The following PDE4D variants were observed in gnomAD, a reference collection of about 807,000 sequenced individuals.
PDE4D encodes the protein phosphodiesterase 4D.
In PDE4D, 24 loss-of-function variants were observed where a neutral mutation model predicts 87.4. The observed-to-expected ratio is 0.27, with a 90% CI of 0.20 to 0.39. The LOEUF (loss-of-function observed/expected upper bound fraction) is 0.39. Among genes scored for constraint, PDE4D ranks in the 10% least tolerant of loss-of-function variants. The pLI, the probability that PDE4D is intolerant of heterozygous loss-of-function variation, is 1.00. For synonymous variants in PDE4D, 384 were observed against 383.2 expected, an observed-to-expected ratio of 1.00 and a Z score of -0.02; for missense variants, 714 against 1,041.0, an observed-to-expected ratio of 0.69 and a Z score of 4.32.
At chr5:59,552,567 G>A (rs1818296439) in intron 1 of PDE4D, among the ~76,000 whole-genome samples, 1 of 152,024 alleles carries the variant, frequency 6.6e-6, no homozygotes, top group Admixed American at 6.6e-5. Flanking sequence ...TTAAAAATTG[G>A]TTTCACCATT....
intron 1 of PDE4D, among the ~76,000 whole-genome samples, chr5:59,496,860 C>T (rs1010974292): frequency 6.6e-6 from 1 of 152,102 alleles, no homozygotes; most frequent in Non-Finnish European, 1.5e-5. Context: ...TGGGGCTTCT[C>T]CAGCAATTCC....
intron 1 of PDE4D, among the ~76,000 whole-genome samples, chr5:60,264,329 A>G (rs564660349): frequency 6.6e-6 from 1 of 152,346 alleles, no homozygotes; most frequent in East Asian, 1.9e-4. Flanking sequence ...AAGATGGCTG[A>G]GAAAAAAATG....
At chr5:60,187,964 A>G (rs1464645550) in intron 1 of PDE4D, among the ~76,000 whole-genome samples, 6 of 152,190 alleles carry the variant, frequency 3.9e-5, no homozygotes, top group African/African-American at 1.4e-4. Context: ...ATTGTCTAGG[A>G]GAATGTTTGG....
chr5:59,427,025 A>G (rs1232300044), intron 1 of PDE4D, among the ~76,000 whole-genome samples: 1 of 149,218 alleles, frequency 6.7e-6, no homozygotes, highest in East Asian at 2.0e-4. Flanking sequence ...ACACACACAC[A>G]CACACACACA....
intron 5 of PDE4D, among the ~76,000 whole-genome samples, chr5:59,071,603 A>G (rs190857504): frequency 1.4e-5 from 2 of 147,624 alleles, no homozygotes; most frequent in East Asian, 4.3e-4. Flanking sequence ...AATATTTATG[A>G]ATACAATATC....
At chr5:59,760,393 C>T (rs1390195355) in intron 1 of PDE4D, among the ~76,000 whole-genome samples, 5 of 152,130 alleles carry the variant, frequency 3.3e-5, no homozygotes, top group Admixed American at 2.6e-4. Flanking sequence ...ACTTCTTCTA[C>T]TGTTGGATAT....
intron 2 of PDE4D, among the ~76,000 whole-genome samples, chr5:59,991,979 T>C (rs912277435): frequency 2.6e-5 from 4 of 152,132 alleles, no homozygotes; most frequent in Admixed American, 1.3e-4. Flanking sequence ...CCACCCTCCA[T>C]GTGGGTAGGC....
intron 1 of PDE4D, among the ~76,000 whole-genome samples, chr5:59,687,950 CAAAGATCA>C (rs1216902234): frequency 1.3e-5 from 2 of 152,052 alleles, no homozygotes; most frequent in African/African-American, 4.8e-5. Context: ...TTTAAACCAA[CAAAGATCA>C]AAAGAGACAA....
intron 1 of PDE4D, among the ~76,000 whole-genome samples, chr5:60,327,235 C>G (rs1211541797): frequency 6.6e-6 from 1 of 152,182 alleles, no homozygotes; most frequent in South Asian, 2.1e-4. Context: ...TGCTGTTATA[C>G]TTGGTTGAAC....
intron 6 of PDE4D, among the ~76,000 whole-genome samples, chr5:59,031,095 A>T (rs1757307166): frequency 6.6e-6 from 1 of 152,040 alleles, no homozygotes; most frequent in African/African-American, 2.4e-5. Flanking sequence ...GTTGGCAAGG[A>T]TGTGGAGAAA....
chr5:59,968,117 T>G (rs969874859), intron 3 of PDE4D, among the ~76,000 whole-genome samples: 1 of 151,010 alleles, frequency 6.6e-6, no homozygotes, highest in Admixed American at 6.6e-5. Context: ...CCCGAGTAGC[T>G]GGGATTACAG....
chr5:59,203,526 T>C (rs553821950), intron 2 of PDE4D, among the ~76,000 whole-genome samples: 1 of 152,230 alleles, frequency 6.6e-6, no homozygotes, highest in Non-Finnish European at 1.5e-5. Flanking sequence ...GTCAAAGAGA[T>C]ACCTGCACTC....
rs70975357 is a variant in PDE4D at position 59,995,321 on chromosome 5, C to CTTT, written c.43-6607_43-6605dup. 3.0e-3 allele frequency among the ~76,000 whole-genome samples: 419 copies of CTTT among 140,172 alleles called. 2 individuals carry two copies. Among genetic ancestry groups the CTTT allele is most frequent in the Middle Eastern group, 0.015 (4 of 274 alleles). The allele number at this position is 140,172 out of a possible 152,430, so 92.0% of individuals were successfully genotyped here. On this transcript the variant is annotated intron_variant, in intron 2 of 16. Transcript: ENST00000502484. ...TCTCTTTTCTTTTCTTTCTTTCTTT[C>CTTT]TTTTTTTTTTTTTTGAGATGGAGTT... is the stretch of plus-strand genomic sequence containing the variant.
In PDE4D at chr5:58,969,306, A is replaced by C. The variant is rs1278793523; in HGVS notation, c.*5358T>G. 6.6e-6 allele frequency: 1 copy of C among 152,234 alleles called. No individual in the cohort carries two copies. The highest frequency in any genetic ancestry group is 1.5e-5 in the Non-Finnish European group (1 of 68,046). 9.4% of individuals were successfully genotyped at this position (152,234 alleles called of 1,614,324 possible). A position where few individuals can be genotyped will look rare whatever the true frequency, so the allele number is the denominator to read the frequency against. On this transcript the variant is annotated 3_prime_UTR_variant, in exon 15 of 15. Transcript: ENST00000340635. ...AAGAAAATTGAGCAGGGTTATGAGA[A>C]TAAAGCTACAGAATGGGGGATATCT...
intron 2 of PDE4D, among the ~76,000 whole-genome samples, chr5:59,199,824 A>C (rs1746336313): frequency 6.6e-6 from 1 of 151,944 alleles, no homozygotes; most frequent in African/African-American, 2.4e-5. Flanking sequence ...CTTGATCTTT[A>C]TGTGTGTGTA....
At chr5:59,777,020 C>T (rs1764145515) in intron 1 of PDE4D, among the ~76,000 whole-genome samples, 1 of 152,214 alleles carries the variant, frequency 6.6e-6, no homozygotes. Flanking sequence ...CATCCTCCAG[C>T]ATGTCCAGAG....
In PDE4D at chr5:60,158,608, G is replaced by A. The variant is rs192336951; in HGVS notation, c.42+26949C>T. Among the ~76,000 whole-genome samples the A allele has an allele frequency of 9.4e-4, 143 of 152,260 alleles. 1 individual carries two copies. The highest frequency in any genetic ancestry group is 3.3e-3 in the African/African-American group (139 of 41,542). The stretch of plus-strand genomic sequence containing the variant: ...GACAAAGTCTCGCCCTGTCGCCCAG[G>A]CTGGAGTGCAGTGGCGCAATCTCGG... On this transcript the variant is annotated intron_variant, in intron 2 of 16. Coordinates refer to the PDE4D transcript ENST00000502484.
intron 1 of PDE4D, among the ~76,000 whole-genome samples, chr5:60,447,169 G>A (rs1745710985): frequency 6.6e-6 from 1 of 152,138 alleles, no homozygotes. Context: ...CAAGTGGCAT[G>A]TTCTCATCCA....
intron 1 of PDE4D, among the ~76,000 whole-genome samples, chr5:60,277,928 A>T (rs1216344565): frequency 6.6e-6 from 1 of 152,150 alleles, no homozygotes. Flanking sequence ...CACACCAGAA[A>T]ATGTTATAAT....
Sources: gnomAD v4.1 joint callset for allele counts (sites outside exome capture counted in the v4.1 genomes callset) on GRCh38, gnomAD v4.1.1 for gene constraint, MANE v1.5 for transcripts, NCBI Gene and HGNC (gene_info 2026-07-23, HGNC 2026-07-21) for gene names.